USP13: variants seen among roughly 807,000 people sequenced by gnomAD.
USP13 encodes ubiquitin carboxyl-terminal hydrolase 13.
A neutral mutation model predicts 107.8 loss-of-function variants in USP13; 68 were observed. The ratio of observed to expected loss-of-function variants is 0.63; its 90% CI spans 0.52 to 0.77. USP13 has a LOEUF of 0.77. USP13 is among the 30% of genes least tolerant of loss of function. USP13 has a pLI of 0.00. For synonymous variants in USP13, 377 were observed against 389.5 expected, an observed-to-expected ratio of 0.97 and a Z score of 0.38; for missense variants, 945 against 1,093.3, an observed-to-expected ratio of 0.86 and a Z score of 1.91.
chr3:179,723,046 GT>G (rs2108496193), intron 8 of USP13, among the ~76,000 whole-genome samples: 1 of 152,316 alleles, frequency 6.6e-6, no homozygotes, highest in African/African-American at 2.4e-5. Context: ...TCATCCTAAT[GT>G]GTTCCAGAGG....
At chr3:179,719,399 C>T (rs986377897) in intron 6 of USP13, among the ~76,000 whole-genome samples, 2 of 152,056 alleles carry the variant, frequency 1.3e-5, no homozygotes, top group Admixed American at 6.6e-5. Context: ...GAAGGGATGT[C>T]GGGGGCAAGT....
Position 179,784,204 on chromosome 3 carries a change from A to AT in USP13, c.*63_*64insT, listed in dbSNP as rs398040149. On this transcript the variant is annotated 3_prime_UTR_variant, in exon 21 of 21. Coordinates refer to ENST00000263966, the MANE Select transcript of USP13 (RefSeq NM_003940.3). ...CCTTTTTAATTTGCCAAAAAAAAAA[A>AT]GAAGAAGAAGAAGTTGAAACAACTA... The AT allele has an allele frequency of 2.6e-6, 3 of 1,147,960 alleles. No individual in the cohort carries two copies. The East Asian group carries it at 7.1e-5, about 27-fold the overall frequency. 71.1% of individuals were successfully genotyped at this position (1,147,960 alleles called of 1,614,324 possible).
intron 8 of USP13, among the ~76,000 whole-genome samples, chr3:179,727,230 G>A (rs1323642875): frequency 7.2e-6 from 1 of 138,604 alleles, no homozygotes; most frequent in Admixed American, 7.5e-5. Flanking sequence ...ATTTGGCAGG[G>A]TCACAGGACA....
chr3:179,658,300 C>T (rs1049011425), intron 1 of USP13, among the ~76,000 whole-genome samples: 1 of 152,174 alleles, frequency 6.6e-6, no homozygotes, highest in African/African-American at 2.4e-5. Context: ...GATCATTTGT[C>T]TGGGCTCTCT....
chr3:179,659,910 C>CG (rs1325815031), intron 1 of USP13, among the ~76,000 whole-genome samples: 2 of 152,112 alleles, frequency 1.3e-5, no homozygotes, highest in East Asian at 3.9e-4. Context: ...GGCTGGGTAG[C>CG]GGGCGCCTGT....
chr3:179,777,430 C>G (rs994668808), intron 19 of USP13, among the ~76,000 whole-genome samples: 4 of 146,020 alleles, frequency 2.7e-5, no homozygotes, highest in African/African-American at 1.0e-4. Context: ...GGTATTGTAT[C>G]CTCTCTCTCT....
chr3:179,740,501 G>T (rs1714155836), intron 11 of USP13, 129 bp downstream of exon 11: 1 of 1,409,538 alleles, frequency 7.1e-7, no homozygotes, highest in Non-Finnish European at 9.6e-7. Flanking sequence ...GTTAAAGCTG[G>T]TTCAGAATCA....
At chr3:179,754,107 G>A (rs982697991) in intron 14 of USP13, among the ~76,000 whole-genome samples, 1 of 152,164 alleles carries the variant, frequency 6.6e-6, no homozygotes, top group Non-Finnish European at 1.5e-5. Flanking sequence ...CTAAATGAAA[G>A]AACTGGGCTG....
chr3:179,710,738 G>T (rs1314506547), intron 6 of USP13, among the ~76,000 whole-genome samples: 3 of 152,174 alleles, frequency 2.0e-5, no homozygotes, highest in African/African-American at 7.2e-5. Flanking sequence ...AACTTAGATG[G>T]CATAGCCTCC....
At chr3:179,657,891 C>T (rs1027381853) in intron 1 of USP13, among the ~76,000 whole-genome samples, 1 of 151,726 alleles carries the variant, frequency 6.6e-6, no homozygotes, top group African/African-American at 2.4e-5. Context: ...TCTTGGTTCA[C>T]ACTTCTGCTC....
In USP13 at chr3:179,654,016, C is replaced by G. The variant is rs1161987480; in HGVS notation, c.168+623C>G. The stretch of plus-strand genomic sequence containing the variant: ...TTTGAGGTCAGGAGTTCGAGACCAG[C>G]CTGGCTAATATGGCGAAACCCCATC... On this transcript the variant is annotated intron_variant, in intron 1 of 20. Coordinates refer to ENST00000263966, the MANE Select transcript of USP13 (RefSeq NM_003940.3). Among the ~76,000 whole-genome samples, 4 of 151,934 alleles carry G rather than the reference C, an allele frequency of 2.6e-5. No homozygotes were observed. The South Asian group carries it at 8.3e-4, about 32-fold the overall frequency.
intron 1 of USP13, among the ~76,000 whole-genome samples, chr3:179,669,339 G>A (rs1720677787): frequency 6.6e-6 from 1 of 151,972 alleles, no homozygotes; most frequent in South Asian, 2.1e-4. Context: ...ACACGCCTGT[G>A]GTCCCAGCTA....
At position 179,730,069 on chromosome 3, in the gene USP13, C is replaced by T. The variant is rs1289145839; in HGVS notation, c.1089-120C>T. The stretch of plus-strand genomic sequence containing the variant: ...TAGAATCTCATGAAAAACTTTTCTT[C>T]AGGTAGATTGTTTAGTTTGACAAAG... On this transcript the variant is annotated intron_variant, in intron 8 of 20. Coordinates refer to ENST00000263966, the MANE Select transcript of USP13 (RefSeq NM_003940.3). 1.3e-5 allele frequency: 11 copies of T among 874,838 alleles called. No homozygotes were observed. The African/African-American group carries it at 1.9e-4, about 15-fold the overall frequency. 54.2% of individuals were successfully genotyped at this position (874,838 alleles called of 1,614,324 possible).
chr3:179,676,078 C>T (rs1230683655), intron 1 of USP13, among the ~76,000 whole-genome samples: 1 of 152,076 alleles, frequency 6.6e-6, no homozygotes, highest in Non-Finnish European at 1.5e-5. Context: ...TTCATGAGAT[C>T]TGATGGTTTT....
At chr3:179,665,661 C>T (rs1720565990) in intron 1 of USP13, among the ~76,000 whole-genome samples, 1 of 151,838 alleles carries the variant, frequency 6.6e-6, no homozygotes. Flanking sequence ...TCTCGGCTCA[C>T]TGCCACCTCC....
At chr3:179,750,252 C>G (rs1400419446) in intron 13 of USP13, among the ~76,000 whole-genome samples, 1 of 145,872 alleles carries the variant, frequency 6.9e-6, no homozygotes, top group African/African-American at 2.5e-5. Context: ...GCAACAAGAG[C>G]AAAACTCTGT....
chr3:179,657,565 A>G (rs916256760), intron 1 of USP13, among the ~76,000 whole-genome samples: 1 of 151,760 alleles, frequency 6.6e-6, no homozygotes, highest in Non-Finnish European at 1.5e-5. Flanking sequence ...GATCGAGACC[A>G]TCCTGGCCAA....
chr3:179,679,568 T>C lies in USP13; in HGVS notation c.169-2310T>C, dbSNP rs570452715. Among the ~76,000 whole-genome samples, 6 of 152,226 alleles carry C rather than the reference T, an allele frequency of 3.9e-5. No individual in the cohort carries two copies. The South Asian group carries it at 1.2e-3, about 32-fold the overall frequency. ...GTTGGCTAATTTTGTAGCCTAAGTT[T>C]ACAGAAAAGCATGTTAAGCAAAGTG... On this transcript the variant is annotated intron_variant, in intron 1 of 20. Coordinates refer to ENST00000263966, the MANE Select transcript of USP13 (RefSeq NM_003940.3).
At chr3:179,683,122 C>A (rs1182150849) in intron 2 of USP13, among the ~76,000 whole-genome samples, 1 of 119,768 alleles carries the variant, frequency 8.3e-6, no homozygotes, top group Non-Finnish European at 1.8e-5. Flanking sequence ...ATGGATTTAT[C>A]TTTTTCTTAT....
Sources: gnomAD v4.1 joint callset for allele counts (sites outside exome capture counted in the v4.1 genomes callset) on GRCh38, gnomAD v4.1.1 for gene constraint, MANE v1.5 for transcripts, NCBI Gene and HGNC (gene_info 2026-07-23, HGNC 2026-07-21) for gene names.